The following TMEM178B variants were observed in gnomAD, a reference collection of about 807,000 sequenced individuals.
The protein encoded by TMEM178B is transmembrane protein 178B.
In TMEM178B, 5 loss-of-function variants were observed where a neutral mutation model predicts 31.0. That is an observed-to-expected ratio of 0.16 (90% CI 0.08 to 0.34). TMEM178B has a LOEUF of 0.34. Ranked by LOEUF, TMEM178B falls within the 10% of genes least tolerant of loss-of-function variation. The pLI, the probability that TMEM178B is intolerant of heterozygous loss-of-function variation, is 1.00. For missense variants in TMEM178B, 275 were observed against 400.3 expected (o/e 0.69, Z 2.67); for synonymous variants, 164 against 164.0 (o/e 1.00, Z 0.00).
chr7:141,296,256 C>T (rs1006367887), intron 2 of TMEM178B, among the ~76,000 whole-genome samples: 5 of 151,828 alleles, frequency 3.3e-5, no homozygotes, highest in Admixed American at 2.0e-4. Flanking sequence ...TTAGCAGAGA[C>T]GGGGTTTCAC....
intron 2 of TMEM178B, among the ~76,000 whole-genome samples, chr7:141,219,240 T>A (rs1176413962): frequency 6.6e-6 from 1 of 152,164 alleles, no homozygotes; most frequent in East Asian, 1.9e-4. Flanking sequence ...GGGTGAGGGC[T>A]CAGAATCCAG....
At chr7:141,198,324 G>A (rs1796818989) in intron 1 of TMEM178B, among the ~76,000 whole-genome samples, 1 of 152,210 alleles carries the variant, frequency 6.6e-6, no homozygotes, top group African/African-American at 2.4e-5. Flanking sequence ...CCAGCAGAGT[G>A]TCTGCCATCA....
At chr7:141,378,146 C>T (rs186295833) in intron 2 of TMEM178B, among the ~76,000 whole-genome samples, 5 of 152,154 alleles carry the variant, frequency 3.3e-5, no homozygotes, top group South Asian at 2.1e-4. Flanking sequence ...TGTTGTAGAA[C>T]GTCCCTCATT....
At chr7:141,289,771 G>T (rs2116418760) in intron 2 of TMEM178B, among the ~76,000 whole-genome samples, 1 of 151,830 alleles carries the variant, frequency 6.6e-6, no homozygotes, top group South Asian at 2.1e-4. Flanking sequence ...GCATCAAGGT[G>T]CAGGGCTTTC....
chr7:141,434,044 A>G (rs756906573), intron 2 of TMEM178B, among the ~76,000 whole-genome samples: 30 of 152,226 alleles, frequency 2.0e-4, no homozygotes, highest in Non-Finnish European at 2.1e-4. Context: ...CCTGGAACAC[A>G]GACTTTTGGA....
chr7:141,149,291 T>C (rs1247897084), intron 1 of TMEM178B, among the ~76,000 whole-genome samples: 1 of 152,216 alleles, frequency 6.6e-6, no homozygotes, highest in Non-Finnish European at 1.5e-5. Flanking sequence ...GTGCAGTGGC[T>C]CAGGCCTGTA....
chr7:141,319,501 C>T (rs755935835), intron 2 of TMEM178B, among the ~76,000 whole-genome samples: 23 of 152,236 alleles, frequency 1.5e-4, no homozygotes, highest in Non-Finnish European at 2.6e-4. Flanking sequence ...TGAAGCATGC[C>T]GTTGAAAAAC....
chr7:141,199,667 A>G (rs1243243752), intron 1 of TMEM178B, among the ~76,000 whole-genome samples: 2 of 152,070 alleles, frequency 1.3e-5, no homozygotes, highest in Non-Finnish European at 2.9e-5. Context: ...GGTCACTTTA[A>G]CCATGAACTC....
At chr7:141,411,102 T>C (rs1800980248) in intron 2 of TMEM178B, among the ~76,000 whole-genome samples, 1 of 150,870 alleles carries the variant, frequency 6.6e-6, no homozygotes, top group East Asian at 1.9e-4. Flanking sequence ...ATTAGAATGG[T>C]GGAGGCTAGG....
chr7:141,494,893 T>C, the TMEM178B span, among the ~76,000 whole-genome samples: 6 of 152,172 alleles, frequency 3.9e-5, no homozygotes, highest in African/African-American at 1.4e-4. Flanking sequence ...CACGATAATA[T>C]AGGAGGTGAG....
chr7:141,484,392 A>T (rs908934213), downstream of TMEM178B, among the ~76,000 whole-genome samples: 2 of 152,120 alleles, frequency 1.3e-5, no homozygotes, highest in East Asian at 3.8e-4. The surrounding 1 kb of genome is among the most constrained non-coding windows in gnomAD (Gnocchi z 4.8). Flanking sequence ...ATCACTTGAG[A>T]TCTTGCCAAA....
At chr7:141,396,040 C>T (rs957506130) in intron 2 of TMEM178B, among the ~76,000 whole-genome samples, 2 of 152,080 alleles carry the variant, frequency 1.3e-5, no homozygotes, top group African/African-American at 4.8e-5. Flanking sequence ...GGGATCCTCC[C>T]AGCTCTGCAT....
intron 1 of TMEM178B, among the ~76,000 whole-genome samples, chr7:141,105,858 G>A (rs1268109199): frequency 6.6e-6 from 1 of 152,070 alleles, no homozygotes; most frequent in African/African-American, 2.4e-5. Flanking sequence ...TGTTTGGGAG[G>A]CCAAGGTGGG....
At chr7:141,436,062 T>C (rs1237709550) in intron 2 of TMEM178B, among the ~76,000 whole-genome samples, 3 of 152,078 alleles carry the variant, frequency 2.0e-5, no homozygotes, top group Admixed American at 6.5e-5. Flanking sequence ...TGATGGTCAA[T>C]GTCAGGACAA....
rs1460352093 is a variant in TMEM178B, at chr7:141,461,005, C to T, written c.635-9531C>T. ...AATTTATATTCCGTGCAGGTCTGAA[C>T]AAAGCTGTAAAATGCTCTCGAGAGC... On this transcript the variant is annotated intron_variant, in intron 3 of 3. Transcript: ENST00000565468. This position sits in a 1 kb window ranked among gnomAD's most constrained non-coding sequence, Gnocchi z 4.0. 6.6e-6 allele frequency among the ~76,000 whole-genome samples: 1 copy of T among 152,180 alleles called. No individual in the cohort carries two copies. The highest frequency in any genetic ancestry group is 2.4e-5 in the African/African-American group (1 of 41,452).
intron 1 of TMEM178B, among the ~76,000 whole-genome samples, chr7:141,199,671 T>C (rs1315225455): frequency 6.6e-6 from 1 of 152,152 alleles, no homozygotes; most frequent in South Asian, 2.1e-4. Flanking sequence ...ACTTTAACCA[T>C]GAACTCCTGG....
intron 2 of TMEM178B, among the ~76,000 whole-genome samples, chr7:141,355,115 G>A (rs187033019): frequency 2.0e-5 from 3 of 152,308 alleles, no homozygotes; most frequent in Middle Eastern, 6.8e-3. Flanking sequence ...GGTGATGGAA[G>A]GGATGAAGGG....
chr7:141,428,509 T>A (rs1289129318), intron 2 of TMEM178B, among the ~76,000 whole-genome samples: 1 of 152,064 alleles, frequency 6.6e-6, no homozygotes, highest in Non-Finnish European at 1.5e-5. Context: ...TGGCAGCGTT[T>A]AACTGGTATA....
intron 2 of TMEM178B, among the ~76,000 whole-genome samples, chr7:141,247,412 A>T (rs577959440): frequency 2.6e-5 from 4 of 152,112 alleles, no homozygotes; most frequent in African/African-American, 9.6e-5. Flanking sequence ...TAGACTGGTT[A>T]CCTCCCTATC....
Sources: gnomAD v4.1 joint callset for allele counts (sites outside exome capture counted in the v4.1 genomes callset) on GRCh38, gnomAD v4.1.1 for gene constraint, Gnocchi (gnomAD v3.1) non-coding constraint, MANE v1.5 for transcripts, NCBI Gene and HGNC (gene_info 2026-07-23, HGNC 2026-07-21) for gene names.